HGFAC: variants seen among roughly 807,000 people sequenced by gnomAD.
HGFAC encodes the protein HGF activator, also known as hepatocyte growth factor activator serine protease.
Under a neutral mutation model 70.6 loss-of-function variants are expected in HGFAC, and 76 were observed. The ratio of observed to expected loss-of-function variants is 1.08; its 90% CI spans 0.89 to 1.30. HGFAC has a LOEUF of 1.30. Among genes scored for constraint, HGFAC ranks in the 50% most tolerant of loss-of-function variants. The pLI is 0.00. For missense variants in HGFAC, 1,044 were observed against 933.7 expected (o/e 1.12, Z -1.54); for synonymous variants, 464 against 405.3 (o/e 1.14, Z -1.74).
chr4:3,442,825 A>G lies in HGFAC; in HGVS notation c.211A>G (p.Ser71Gly). The change falls in exon 2 of 14, where the codon AGT becomes GGT. Residue 71 changes from serine (S) to glycine (G), a missense_variant. Ser to Gly is a moderately conservative substitution (Grantham distance 56, BLOSUM62 0). Transcript: ENST00000382774. ...TGTGACCTCTGAGACCCCAGCAACA[A>G]GTGCTCCAGAGGCAGAGGGACCCCA... ...TSVTSETPAT[S>G]APEAEGPQSG... 6.3e-7 allele frequency: 1 copy of G among 1,591,096 alleles called. No homozygotes were observed. The highest frequency in any genetic ancestry group is 8.5e-7 in the Non-Finnish European group (1 of 1,170,604).
rs1413255343 is a variant in HGFAC at position 3,447,880 on chromosome 4, C to T, written c.1496-15C>T. Reference sequence around the variant, plus strand: ...CCGCACACCACAGGCTGACCCTGGCCACTCTTCTGATCAGTCCTGATCCGG... The same window carrying T: ...CCGCACACCACAGGCTGACCCTGGCTACTCTTCTGATCAGTCCTGATCCGG... On this transcript the variant is annotated splice_polypyrimidine_tract_variant and intron_variant, in intron 11 of 13. Transcript: ENST00000382774. The T allele has an allele frequency of 1.2e-6, 2 of 1,606,946 alleles. No homozygotes were observed. The highest frequency in any genetic ancestry group is 3.3e-5 in the Admixed American group (2 of 59,752).
chr4:3,447,211 G>A (rs1445050115), intron 10 of HGFAC, among the ~76,000 whole-genome samples: 1 of 152,196 alleles, frequency 6.6e-6, no homozygotes, highest in East Asian at 1.9e-4. Flanking sequence ...CCTGGGCTTG[G>A]CCTGAGACTC....
At position 3,447,547 on chromosome 4, in the gene HGFAC, A is replaced by T; in HGVS notation, c.1411A>T (p.Thr471Ser). The change falls in exon 11 of 14, where the codon ACG (threonine) becomes TCG (serine). Residue 471 changes from threonine (T) to serine (S), a missense_variant. Coordinates refer to ENST00000382774, the MANE Select transcript of HGFAC (RefSeq NM_001528.4). The part of the protein sequence containing the change: ...VLGQHFFNRT[T>S]DVTQTFGIEK... ...GGGCCAGCACTTCTTCAACCGCACG[A>T]CGGACGTGACGCAGACCTTCGGCAT... is the stretch of plus-strand genomic sequence containing the variant. The T allele has an allele frequency of 1.2e-6, 2 of 1,612,640 alleles. No individual in the cohort carries two copies. Among genetic ancestry groups the T allele is most frequent in the Non-Finnish European group, 1.7e-6 (2 of 1,179,902 alleles).
chr4:3,443,360 T>C lies in HGFAC; in HGVS notation c.415T>C (p.Tyr139His). 1 of 1,540,468 alleles carries C rather than the reference T, an allele frequency of 6.5e-7. No homozygotes were observed. The highest frequency in any genetic ancestry group is 2.0e-5 in the Admixed American group (1 of 49,944). Residue 139 changes from tyrosine to histidine, a missense_variant, in exon 4 of 14, where the codon TAC (tyrosine) becomes CAC (histidine). Coordinates refer to ENST00000382774, the MANE Select transcript of HGFAC (RefSeq NM_001528.4). ...CCCCAGGTGTGCCACAACTCACAACTACGACCGGGACAGGGCCTGGGGCTA... is the reference window on the plus strand; with the variant it reads ...CCCCAGGTGTGCCACAACTCACAACCACGACCGGGACAGGGCCTGGGGCTA... The part of the protein sequence containing the change: ...HRKWCATTHN[Y>H]DRDRAWGYCV...
rs781451530 is a variant in HGFAC, at chr4:3,444,649, G to A, written c.757G>A (p.Gly253Arg). The change falls in exon 7 of 14, where the codon GGG (glycine) becomes AGG (arginine). Residue 253 changes from glycine to arginine, a missense_variant. By Grantham distance (125) the Gly-to-Arg change is moderately radical. Coordinates refer to ENST00000382774, the MANE Select transcript of HGFAC (RefSeq NM_001528.4). ...TTGTCTGAGCAGCCCTTGCCTGAAC[G>A]GGGGCACCTGCCACCTGATCGTGGC... ...TACLSSPCLN[G>R]GTCHLIVATG... 3.8e-6 allele frequency: 6 copies of A among 1,597,346 alleles called. No individual in the cohort carries two copies. Among genetic ancestry groups the A allele is most frequent in the Admixed American group, 1.7e-5 (1 of 59,548 alleles).
In HGFAC at chr4:3,446,097, A is replaced by G. The variant is rs115907907; in HGVS notation, c.1158A>G (p.Pro386=). 2 of 1,610,408 alleles carry G rather than the reference A, an allele frequency of 1.2e-6. No homozygotes were observed. The highest frequency in any genetic ancestry group is 8.5e-7 in the Non-Finnish European group (1 of 1,179,050). Residue 386 remains proline, a synonymous_variant, in exon 10 of 14, where the codon CCA becomes CCG. Coordinates refer to ENST00000382774, the MANE Select transcript of HGFAC (RefSeq NM_001528.4). Reference sequence around the variant, plus strand: ...ATCTCCTGGCGACCCTGCCTGAGCCAGCCTCCCCGGGGCGCCAGGCCTGCG... The same window carrying G: ...ATCTCCTGGCGACCCTGCCTGAGCCGGCCTCCCCGGGGCGCCAGGCCTGCG... ...SPDLLATLPE[P]ASPGRQACGR... is the part of the protein sequence containing the mutation.
chr4:3,443,696 G>A (rs1190289740), intron 4 of HGFAC, among the ~76,000 whole-genome samples: 1 of 152,156 alleles, frequency 6.6e-6, no homozygotes, highest in Non-Finnish European at 1.5e-5. Flanking sequence ...CCAGGCAGGG[G>A]ACAGGTGGGC....
chr4:3,443,708 G>A (rs1191980487), intron 4 of HGFAC, among the ~76,000 whole-genome samples: 5 of 152,278 alleles, frequency 3.3e-5, no homozygotes, highest in African/African-American at 1.2e-4. Context: ...CAGGTGGGCA[G>A]GGTCTGTGGG....
rs185455355 is a variant in HGFAC at position 3,446,238 on chromosome 4, C to G, written c.1299C>G (p.Ala433=). 1.9e-6 allele frequency: 3 copies of G among 1,610,616 alleles called. No homozygotes were observed. Among genetic ancestry groups the G allele is most frequent in the African/African-American group, 1.3e-5 (1 of 74,898 alleles). The change falls in exon 10 of 14, where the codon GCC becomes GCG. Residue 433 remains alanine (A), a synonymous_variant. Transcript: ENST00000382774. Reference sequence around the variant, plus strand: ...TCTACATCGGGGACAGCTTCTGCGCCGGGAGCCTGGTCCACACCTGCTGGG... The same window carrying G: ...TCTACATCGGGGACAGCTTCTGCGCGGGGAGCCTGGTCCACACCTGCTGGG... The part of the protein sequence containing the change: ...AAIYIGDSFC[A]GSLVHTCWVV...
intron 12 of HGFAC, 42 bp downstream of exon 12, chr4:3,448,077 C>A: frequency 6.4e-7 from 1 of 1,560,440 alleles, no homozygotes; most frequent in Middle Eastern, 1.8e-4. Context: ...CCAGGGTGGA[C>A]AGTGGCCAGC....
rs1194260589 is a variant in HGFAC at position 3,445,362 on chromosome 4, G to T, written c.1102+12G>T. On this transcript the variant is annotated intron_variant, in intron 9 of 13. Transcript: ENST00000382774. ...CCTGGAGGCCTGCGGTGCGCGGCTG[G>T]CGGGGGGTGCTGCCTTGGGCCCCAC... The T allele has an allele frequency of 6.4e-7, 1 of 1,553,134 alleles. No individual in the cohort carries two copies. The highest frequency in any genetic ancestry group is 1.4e-5 in the African/African-American group (1 of 73,400).
Position 3,447,953 on chromosome 4 carries a change from G to A in HGFAC, c.1554G>A (p.Gln518=), listed in dbSNP as rs1349944519. The change falls in exon 12 of 14, where the codon CAG becomes CAA. Residue 518 remains glutamine (Q), a synonymous_variant. Transcript: ENST00000382774. The part of the protein sequence containing the change: ...DRCATRSQFV[Q]PICLPEPGST... ...GTGCCACACGCTCGCAGTTCGTGCA[G>A]CCCATCTGCCTGCCCGAGCCCGGCA... The A allele has an allele frequency of 1.2e-6, 2 of 1,603,432 alleles. No homozygotes were observed. Among genetic ancestry groups the A allele is most frequent in the Admixed American group, 3.4e-5 (2 of 58,778 alleles).
chr4:3,448,074 G>A (rs1357341299), intron 12 of HGFAC, 39 bp downstream of exon 12: 5 of 1,559,706 alleles, frequency 3.2e-6, no homozygotes, highest in Non-Finnish European at 4.3e-6. Flanking sequence ...CCGCCAGGGT[G>A]GACAGTGGCC....
In HGFAC at chr4:3,444,296, C is replaced by A; in HGVS notation, c.599-15C>A. 1 of 1,580,252 alleles carries A rather than the reference C, an allele frequency of 6.3e-7. No homozygotes were observed. The highest frequency in any genetic ancestry group is 2.3e-5 in the East Asian group (1 of 42,882). ...GCAGGTGGCAGGGTGTGAGGGCTTA[C>A]TGTGCACCCCTCAGAGAAATGCTTT... On this transcript the variant is annotated splice_polypyrimidine_tract_variant and intron_variant, in intron 5 of 13. Transcript: ENST00000382774.
chr4:3,445,720 C>T (rs1372004596), intron 9 of HGFAC: 45 of 732,352 alleles, frequency 6.1e-5, no homozygotes, highest in East Asian at 5.1e-4. Context: ...AGGACCCCGG[C>T]GGGGCCAGCC....
At chr4:3,445,720 C>A (rs1372004596) in intron 9 of HGFAC, 1 of 732,354 alleles carries the variant, frequency 1.4e-6, no homozygotes, top group Non-Finnish European at 2.2e-6. Context: ...AGGACCCCGG[C>A]GGGGCCAGCC....
intron 8 of HGFAC, 97 bp downstream of exon 8, chr4:3,445,090 C>T (rs1480473323): frequency 1.1e-5 from 15 of 1,398,504 alleles, no homozygotes; most frequent in Non-Finnish European, 1.4e-5. Flanking sequence ...GCGGGGCCAG[C>T]TCCGTCCAGA....
intron 4 of HGFAC, among the ~76,000 whole-genome samples, 188 bp downstream of exon 4, chr4:3,443,608 T>G (rs1317843891): frequency 2.0e-5 from 3 of 152,136 alleles, no homozygotes; most frequent in Non-Finnish European, 4.4e-5. Flanking sequence ...CTGCGTCTCA[T>G]GGTGGCTGCG....
At chr4:3,446,522 G>A (rs374646399) in intron 10 of HGFAC, among the ~76,000 whole-genome samples, 1 of 152,154 alleles carries the variant, frequency 6.6e-6, no homozygotes, top group African/African-American at 2.4e-5. Flanking sequence ...GAGGCCAGGG[G>A]TCAGTGGCAT....
Sources: allele counts gnomAD v4.1 joint callset (sites outside exome capture counted in the v4.1 genomes callset), GRCh38; gene constraint gnomAD v4.1.1; transcripts MANE v1.5; gene names NCBI Gene and HGNC (gene_info 2026-07-23, HGNC 2026-07-21).